MECOM: variants seen among roughly 807,000 people sequenced by gnomAD.
MECOM encodes MDS1 and EVI1 complex locus, also known as histone-lysine N-methyltransferase MECOM.
In MECOM, 13 loss-of-function variants were observed where a neutral mutation model predicts 116.3. The ratio of observed to expected loss-of-function variants is 0.11; its 90% CI spans 0.07 to 0.18. MECOM has a LOEUF of 0.18. Ranked by LOEUF, MECOM falls within the 10% of genes least tolerant of loss-of-function variation. The pLI is 1.00. For synonymous variants in MECOM, 528 were observed against 535.2 expected (o/e 0.99, Z 0.19); for missense variants, 1,299 against 1,509.0 (o/e 0.86, Z 2.31).
intron 1 of MECOM, among the ~76,000 whole-genome samples, chr3:169,447,548 G>C (rs1203758159): frequency 2.6e-5 from 4 of 152,182 alleles, no homozygotes; most frequent in African/African-American, 9.6e-5. Context: ...AGCGTCTACT[G>C]TGTTCCAGGT....
At chr3:169,552,343 C>T (rs1761511684) in intron 1 of MECOM, among the ~76,000 whole-genome samples, 1 of 151,734 alleles carries the variant, frequency 6.6e-6, no homozygotes, top group African/African-American at 2.4e-5. Flanking sequence ...CATCAAAATT[C>T]TTATACCTAC....
intron 2 of MECOM, among the ~76,000 whole-genome samples, chr3:169,257,340 G>A (rs1291056556): frequency 6.6e-6 from 1 of 152,156 alleles, no homozygotes; most frequent in Non-Finnish European, 1.5e-5. Flanking sequence ...AATGTTCAAA[G>A]ATGAGGTAAT....
chr3:169,370,116 C>T (rs1450931166), intron 2 of MECOM, among the ~76,000 whole-genome samples: 1 of 151,818 alleles, frequency 6.6e-6, no homozygotes, highest in Non-Finnish European at 1.5e-5. Flanking sequence ...CCTAAAGGGT[C>T]CTAGGGGAGA....
chr3:169,153,499 T>A (rs1741479012), intron 2 of MECOM, among the ~76,000 whole-genome samples: 1 of 152,210 alleles, frequency 6.6e-6, no homozygotes, highest in Non-Finnish European at 1.5e-5. Flanking sequence ...TAAGTGCTTT[T>A]GGAAAAAACC....
rs1455651693 is a variant in MECOM at position 169,485,946 on chromosome 3, T to C, written c.38-104422A>G. On this transcript the variant is annotated intron_variant, in intron 1 of 16. Transcript: ENST00000651503. ...ATAGTATATATAGTATATATGTATG[T>C]ATATATGTACATATATACTATATAT... Among the ~76,000 whole-genome samples, 19 of 86,772 alleles carry C rather than the reference T, an allele frequency of 2.2e-4. 1 individual carries two copies. Among genetic ancestry groups the C allele is most frequent in the African/African-American group, 8.7e-4 (18 of 20,590 alleles). The allele number at this position is 86,772 out of a possible 152,430, so 56.9% of individuals were successfully genotyped here.
intron 1 of MECOM, among the ~76,000 whole-genome samples, chr3:169,490,731 T>C (rs1005656966): frequency 2.0e-5 from 3 of 152,132 alleles, no homozygotes; most frequent in African/African-American, 7.2e-5. Context: ...CTTTAGGATA[T>C]AGGAGAAGAG....
At chr3:169,390,391 G>A (rs1362701146) in intron 1 of MECOM, among the ~76,000 whole-genome samples, 1 of 152,176 alleles carries the variant, frequency 6.6e-6, no homozygotes, top group Non-Finnish European at 1.5e-5. Context: ...TCCCAGTAGA[G>A]GCTTATAAAA....
chr3:169,465,952 T>G (rs922824564), intron 1 of MECOM, among the ~76,000 whole-genome samples: 6 of 152,210 alleles, frequency 3.9e-5, no homozygotes, highest in Admixed American at 6.5e-5. Context: ...TCAAACACTA[T>G]GCTACTTAGG....
At chr3:169,411,427 A>G (rs1737536783) in intron 1 of MECOM, among the ~76,000 whole-genome samples, 1 of 152,234 alleles carries the variant, frequency 6.6e-6, no homozygotes, top group African/African-American at 2.4e-5. Context: ...TGTAAAGAAC[A>G]TCAGTATATC....
intron 1 of MECOM, among the ~76,000 whole-genome samples, chr3:169,533,800 A>G (rs544169290): frequency 2.0e-5 from 3 of 152,132 alleles, no homozygotes; most frequent in African/African-American, 7.2e-5. Flanking sequence ...TTACTTACTG[A>G]AGGCTCCTCT....
chr3:169,122,607 C>G lies in MECOM; in HGVS notation c.951G>C (p.Lys317Asn). Residue 317 changes from lysine to asparagine, a missense_variant, in exon 6 of 17, where the codon AAG (lysine) becomes AAC (asparagine). Physicochemically the swap from Lys to Asn is moderately conservative, Grantham distance 94. This residue lies in a region of MECOM where 374 missense variants were observed against 433.4 expected (regional missense o/e 0.86). Coordinates refer to ENST00000651503, the MANE Select transcript of MECOM (RefSeq NM_004991.4). ...IRHQMSHDSG[K>N]HYECENCAKV... is the part of the protein sequence containing the mutation. The stretch of plus-strand genomic sequence containing the variant: ...TGGCACAGTTTTCACATTCATAGTG[C>G]TTTCCACTGTCATGTGACATCTGGT... 1 of 1,614,030 alleles carries G rather than the reference C, an allele frequency of 6.2e-7. No homozygotes were observed. Among genetic ancestry groups the G allele is most frequent in the Non-Finnish European group, 8.5e-7 (1 of 1,179,904 alleles).
chr3:169,189,971 A>G (rs1170863354), intron 2 of MECOM, among the ~76,000 whole-genome samples: 1 of 151,822 alleles, frequency 6.6e-6, no homozygotes, highest in Non-Finnish European at 1.5e-5. Flanking sequence ...ATGATATCTG[A>G]ACTCATCTTA....
intron 1 of MECOM, among the ~76,000 whole-genome samples, chr3:169,431,982 T>C (rs1048743447): frequency 9.3e-5 from 14 of 151,236 alleles, no homozygotes; most frequent in Non-Finnish European, 1.5e-4. Flanking sequence ...ATTTGGATTT[T>C]GGGGTGAGGT....
At chr3:169,154,928 A>G (rs1741723806) in intron 2 of MECOM, among the ~76,000 whole-genome samples, 1 of 151,900 alleles carries the variant, frequency 6.6e-6, no homozygotes, top group Non-Finnish European at 1.5e-5. Context: ...CCATCCTTCA[A>G]CCCAAATTAT....
At chr3:169,256,016 A>G (rs1413040754) in intron 2 of MECOM, among the ~76,000 whole-genome samples, 1 of 152,222 alleles carries the variant, frequency 6.6e-6, no homozygotes, top group African/African-American at 2.4e-5. Flanking sequence ...TTCTCAAAAA[A>G]AATTTGAAAG....
At chr3:169,392,490 A>G (rs1361921106) in intron 1 of MECOM, among the ~76,000 whole-genome samples, 2 of 152,156 alleles carry the variant, frequency 1.3e-5, no homozygotes. Context: ...GAATTCATTT[A>G]CCCATTCCAA....
intron 2 of MECOM, among the ~76,000 whole-genome samples, chr3:169,380,557 A>G (rs60142280): frequency 0.026 from 3,959 of 152,238 alleles, 121 homozygotes; most frequent in African/African-American, 0.071. Context: ...GAAACGAGTG[A>G]CTAATTTTCA....
At chr3:169,460,447 A>C (rs1009946696) in intron 1 of MECOM, among the ~76,000 whole-genome samples, 1 of 152,222 alleles carries the variant, frequency 6.6e-6, no homozygotes, top group Non-Finnish European at 1.5e-5. Flanking sequence ...AAGACCTTAG[A>C]GATCATAGAA....
intron 2 of MECOM, among the ~76,000 whole-genome samples, chr3:169,249,461 A>G (rs1383294631): frequency 1.3e-5 from 2 of 152,250 alleles, no homozygotes; most frequent in Admixed American, 6.5e-5. Flanking sequence ...GGTCCAAGGC[A>G]GAGGTATTGT....
Sources: gnomAD v4.1 joint callset for allele counts (sites outside exome capture counted in the v4.1 genomes callset) on GRCh38, gnomAD v4.1.1 for gene constraint, gnomAD v4.1.1 regional missense constraint, MANE v1.5 for transcripts, NCBI Gene and HGNC (gene_info 2026-07-23, HGNC 2026-07-21) for gene names.